The following MIB2 variants were observed in gnomAD, a reference collection of about 807,000 sequenced individuals.
MIB2 encodes the protein E3 ubiquitin-protein ligase MIB2.
In MIB2, 78 loss-of-function variants were observed where a neutral mutation model predicts 96.6. The ratio of observed to expected loss-of-function variants is 0.81; its 90% CI spans 0.67 to 0.97. The LOEUF (loss-of-function observed/expected upper bound fraction) is 0.97, where lower values mean the gene tolerates loss of function less well. Among genes scored for constraint, MIB2 ranks in the 50% least tolerant of loss-of-function variants. The probability of loss-of-function intolerance (pLI) is 0.00; values close to 1 mark genes in which losing one functional copy is unlikely to be tolerated. For missense variants in MIB2, 1,543 were observed against 1,424.0 expected (o/e 1.08, Z -1.35); for synonymous variants, 820 against 629.5 (o/e 1.30, Z -4.53).
At position 1,627,120 on chromosome 1, in the gene MIB2, C is replaced by G. The variant is rs1644861319; in HGVS notation, c.1287C>G (p.Asp429Glu). ...ACAAGCTTCGGGCCCAGAAGAGTGA[C>G]CCAGAGCACCCGGGAAGGCTGGTGG... ...ALDKLRAQKS[D>E]PEHPGRLVVE... The change falls in exon 11 of 20, where the codon GAC becomes GAG. Residue 429 changes from aspartate (D) to glutamate (E), a missense_variant. By Grantham distance (45) the Asp-to-Glu change is conservative (BLOSUM62 2). Coordinates refer to ENST00000355826, the MANE Select transcript of MIB2 (RefSeq NM_001170687.4). 3 of 1,599,224 alleles carry G rather than the reference C, an allele frequency of 1.9e-6. No homozygotes were observed. The highest frequency in any genetic ancestry group is 2.6e-6 in the Non-Finnish European group (3 of 1,173,410).
At position 1,629,691 on chromosome 1, in the gene MIB2, G is replaced by A. The variant is rs866928292; in HGVS notation, c.2616G>A (p.Lys872=). 1 of 1,598,388 alleles carries A rather than the reference G, an allele frequency of 6.3e-7. No homozygotes were observed. ...KCIRCQVVVS[K]KLRPDGSEVA... is the part of the protein sequence containing the mutation. ...TCAGGTGCCAGGTGGTCGTCAGCAA[G>A]AAACTGCGCCCAGGTGGGTGAGGCT... The change falls in exon 19 of 20, where the codon AAG becomes AAA. Residue 872 remains lysine (K), a synonymous_variant. Coordinates refer to ENST00000355826, the MANE Select transcript of MIB2 (RefSeq NM_001170687.4).
chr1:1,630,234 C>G (rs1638621799), intron 19 of MIB2, 58 bp from the exon 20 acceptor site: 2 of 632,732 alleles, frequency 3.2e-6, no homozygotes, highest in Non-Finnish European at 4.5e-6. Flanking sequence ...CCGCAGCTCC[C>G]TGCTCCCCGC....
chr1:1,627,110 A>C lies in MIB2; in HGVS notation c.1277A>C (p.Gln426Pro). ...LSVALDKLRA[Q>P]KSDPEHPGRL... ...GTGGCCCTGGACAAGCTTCGGGCCCAGAAGAGTGACCCAGAGCACCCGGGA... is the reference window on the plus strand; with the variant it reads ...GTGGCCCTGGACAAGCTTCGGGCCCCGAAGAGTGACCCAGAGCACCCGGGA... Residue 426 changes from glutamine (Q) to proline (P), a missense_variant, in exon 11 of 20, where the codon CAG becomes CCG. Gln to Pro is a moderately conservative substitution (Grantham distance 76). Coordinates refer to ENST00000355826, the MANE Select transcript of MIB2 (RefSeq NM_001170687.4). 6.2e-7 allele frequency: 1 copy of C among 1,600,730 alleles called. No homozygotes were observed. The highest frequency in any genetic ancestry group is 8.5e-7 in the Non-Finnish European group (1 of 1,174,146).
At position 1,627,178 on chromosome 1, in the gene MIB2, C is replaced by T. The variant is rs528885425; in HGVS notation, c.1345C>T (p.Leu449=). The T allele has an allele frequency of 6.3e-7, 1 of 1,594,056 alleles. No homozygotes were observed. Among genetic ancestry groups the T allele is most frequent in the Non-Finnish European group, 8.5e-7 (1 of 1,170,954 alleles). ...EVALGNAARA[L]DLLRRRPEQV... ...GGCGCTGGGTAACGCAGCCCGGGCT[C>T]TGGACCTGCTGCGGAGGCGCCCAGA... The change falls in exon 11 of 20, where the codon CTG becomes TTG. Residue 449 remains leucine (L), a synonymous_variant. Coordinates refer to ENST00000355826, the MANE Select transcript of MIB2 (RefSeq NM_001170687.4).
At chr1:1,616,888 C>G in intron 2 of MIB2, 1 of 396,214 alleles carries the variant, frequency 2.5e-6, no homozygotes, top group Non-Finnish European at 4.6e-6. Context: ...CCGGGAGGCC[C>G]CCTTTGTCCG....
At chr1:1,616,117 G>A in intron 1 of MIB2, 4 of 982,726 alleles carry the variant, frequency 4.1e-6, no homozygotes, top group African/African-American at 1.7e-5. Flanking sequence ...CGCGGCCCTG[G>A]CAAGGTCTGG....
At chr1:1,617,891 G>A (rs1291732364) in intron 2 of MIB2, 1 of 152,244 alleles carries the variant, frequency 6.6e-6, no homozygotes, top group South Asian at 2.1e-4. Flanking sequence ...TTCTGGCAAA[G>A]GAAAAAACAT....
At chr1:1,624,536 G>C (rs1483529926) in intron 4 of MIB2, among the ~76,000 whole-genome samples, 1 of 152,236 alleles carries the variant, frequency 6.6e-6, no homozygotes, top group African/African-American at 2.4e-5. Context: ...TGCCTTCCCA[G>C]CCTGGCATCA....
In MIB2 at chr1:1,616,960, G is replaced by T. The variant is rs144513338; in HGVS notation, c.-23+346G>T. ...GTCTGAATGTGGCGCTCTCCTGGCC[G>T]AGGGCAGCCCTGGGCGGTGAGTGGG... On this transcript the variant is annotated intron_variant, in intron 2 of 19. Coordinates refer to ENST00000355826, the MANE Select transcript of MIB2 (RefSeq NM_001170687.4). The T allele has an allele frequency of 3.9e-3, 1,050 of 267,958 alleles. 9 individuals carry two copies. Among genetic ancestry groups the T allele is most frequent in the Middle Eastern group, 0.022 (18 of 818 alleles). 16.6% of individuals were successfully genotyped at this position (267,958 alleles called of 1,614,324 possible).
Position 1,627,221 on chromosome 1 carries a change from C to G in MIB2, c.1374+14C>G, listed in dbSNP as rs750870005. On this transcript the variant is annotated intron_variant, in intron 11 of 19. Coordinates refer to ENST00000355826, the MANE Select transcript of MIB2 (RefSeq NM_001170687.4). Reference sequence around the variant, plus strand: ...CGCCCAGAGCAGGCAAGCTCCTGACCCCGTCCTCCCATACTGGCCAGTCTG... The same window carrying G: ...CGCCCAGAGCAGGCAAGCTCCTGACGCCGTCCTCCCATACTGGCCAGTCTG... 21 of 1,609,614 alleles carry G rather than the reference C, an allele frequency of 1.3e-5. No homozygotes were observed. The Admixed American group carries it at 3.5e-4, about 27-fold the overall frequency.
Position 1,626,304 on chromosome 1 carries a change from G to T in MIB2, c.973-346G>T. On this transcript the variant is annotated intron_variant, in intron 8 of 19. Coordinates refer to ENST00000355826, the MANE Select transcript of MIB2 (RefSeq NM_001170687.4). This position sits in a 1 kb window ranked among gnomAD's most constrained non-coding sequence, Gnocchi z 5.3. ...CCCGTCCTGCACCCCATGGTCCTGG[G>T]GCCCCACCCCCACGCTGGCTCACGG... 5.5e-6 allele frequency: 2 copies of T among 362,274 alleles called. No homozygotes were observed. The highest frequency in any genetic ancestry group is 5.0e-5 in the South Asian group (1 of 19,938). The allele number at this position is 362,274 out of a possible 1,614,324, so 22.4% of individuals were successfully genotyped here. A position where few individuals can be genotyped will look rare whatever the true frequency, so the allele number is the denominator to read the frequency against.
At chr1:1,614,225 C>T (rs28430872), upstream of MIB2, 4,515 of 152,300 alleles carry the variant, frequency 0.03, 224 homozygotes, top group African/African-American at 0.1. Context: ...CAAATGGAGT[C>T]GGGAGGCCAC....
rs752432854 is a variant in MIB2, at chr1:1,629,320, G to A, written c.2381+9G>A. On this transcript the variant is annotated intron_variant, in intron 17 of 19. Transcript: ENST00000355826. Reference sequence around the variant, plus strand: ...TGCGCCCAGCGCTTCCGGTGAGTCCGTGGACGGCGGGGATGGGGTCCGGCG... The same window carrying A: ...TGCGCCCAGCGCTTCCGGTGAGTCCATGGACGGCGGGGATGGGGTCCGGCG... 4.3e-5 allele frequency: 64 copies of A among 1,475,828 alleles called. No homozygotes were observed. Among genetic ancestry groups the A allele is most frequent in the South Asian group, 2.5e-4 (18 of 72,432 alleles). 91.4% of individuals were successfully genotyped at this position (1,475,828 alleles called of 1,614,324 possible).
intron 2 of MIB2, chr1:1,617,396 C>T (rs954237215): frequency 6.6e-6 from 1 of 152,300 alleles, no homozygotes; most frequent in Non-Finnish European, 1.5e-5. Context: ...TCTCCTCCTA[C>T]ACTCTCCTGA....
At chr1:1,621,292 G>A (rs1434988259) in intron 2 of MIB2, among the ~76,000 whole-genome samples, 1 of 152,250 alleles carries the variant, frequency 6.6e-6, no homozygotes, top group African/African-American at 2.4e-5. Context: ...GCAAGGTGGG[G>A]TTTCTCTGGC....
At chr1:1,614,660 T>G (rs1643436386), upstream of MIB2, 1 of 152,230 alleles carries the variant, frequency 6.6e-6, no homozygotes, top group Non-Finnish European at 1.5e-5. Context: ...ACGTGAGGGG[T>G]GCAGCGGGGA....
chr1:1,626,556 G>C lies in MIB2; in HGVS notation c.973-94G>C. The C allele has an allele frequency of 9.0e-7, 1 of 1,113,940 alleles. No homozygotes were observed. The allele number at this position is 1,113,940 out of a possible 1,614,324, so 69.0% of individuals were successfully genotyped here. ...GGCCGGGGCCGAGTCAGGCCTGCCTGTCTCGTGGAGCTCAGCAGGTTGCCC... is the reference window on the plus strand; with the variant it reads ...GGCCGGGGCCGAGTCAGGCCTGCCTCTCTCGTGGAGCTCAGCAGGTTGCCC... On this transcript the variant is annotated intron_variant, in intron 8 of 19. Coordinates refer to ENST00000355826, the MANE Select transcript of MIB2 (RefSeq NM_001170687.4). The surrounding 1 kb of genome is among the most constrained non-coding windows in gnomAD (Gnocchi z 5.3).
chr1:1,625,472 G>A lies in MIB2; in HGVS notation c.864+44G>A. On this transcript the variant is annotated intron_variant, in intron 7 of 19. Coordinates refer to ENST00000355826, the MANE Select transcript of MIB2 (RefSeq NM_001170687.4). This position sits in a 1 kb window ranked among gnomAD's most constrained non-coding sequence, Gnocchi z 5.0. ...GAGCCCTGTGTGCCCTGCCCTCCCAGCCCTCCGCCCCCTCAGCCCCTTCCT... is the reference window on the plus strand; with the variant it reads ...GAGCCCTGTGTGCCCTGCCCTCCCAACCCTCCGCCCCCTCAGCCCCTTCCT... The A allele has an allele frequency of 7.4e-6, 9 of 1,218,240 alleles. No individual in the cohort carries two copies. Among genetic ancestry groups the A allele is most frequent in the Non-Finnish European group, 9.1e-6 (8 of 876,722 alleles). 75.5% of individuals were successfully genotyped at this position (1,218,240 alleles called of 1,614,324 possible). A position where few individuals can be genotyped will look rare whatever the true frequency, so the allele number is the denominator to read the frequency against.
chr1:1,623,941 C>A lies in MIB2; in HGVS notation c.415C>A (p.Arg139Ser). ...AFDRYETAHSRPVTLSPRQGL... is the reference protein window; with the variant it reads ...AFDRYETAHSSPVTLSPRQGL... ...CGACCGCTACGAGACCGCTCACTCG[C>A]GCCCGTGAGTCCCGGGCCGCACCGG... Residue 139 changes from arginine (R) to serine (S), a missense_variant, in exon 4 of 20, where the codon CGC becomes AGC. Physicochemically the swap from Arg to Ser is moderately radical, Grantham distance 110 (BLOSUM62 -1). Coordinates refer to ENST00000355826, the MANE Select transcript of MIB2 (RefSeq NM_001170687.4). 1 of 1,605,320 alleles carries A rather than the reference C, an allele frequency of 6.2e-7. No homozygotes were observed. The highest frequency in any genetic ancestry group is 1.3e-5 in the African/African-American group (1 of 74,918).
Sources: gnomAD v4.1 joint callset for allele counts (sites outside exome capture counted in the v4.1 genomes callset) on GRCh38, gnomAD v4.1.1 for gene constraint, Gnocchi (gnomAD v3.1) non-coding constraint, MANE v1.5 for transcripts, NCBI Gene and HGNC (gene_info 2026-07-23, HGNC 2026-07-21) for gene names.